Variants in MGAT4C observed in about 807,000 individuals in gnomAD.
The protein encoded by MGAT4C is alpha-1,3-mannosyl-glycoprotein 4-beta-N-acetylglucosaminyltransferase C.
A neutral mutation model predicts 40.1 loss-of-function variants in MGAT4C; 19 were observed. The ratio of observed to expected loss-of-function variants is 0.47; its 90% CI spans 0.33 to 0.70. The LOEUF (loss-of-function observed/expected upper bound fraction) is 0.70, where lower values mean the gene tolerates loss of function less well. MGAT4C is among the 30% of genes least tolerant of loss of function. The pLI is 0.02. For missense variants in MGAT4C, 491 were observed against 563.2 expected (o/e 0.87, Z 1.30); for synonymous variants, 181 against 187.1 (o/e 0.97, Z 0.27).
intron 2 of MGAT4C, among the ~76,000 whole-genome samples, chr12:86,526,853 A>G (rs575180580): frequency 1.5e-4 from 23 of 152,236 alleles, no homozygotes; most frequent in South Asian, 2.1e-4. Context: ...TCGAGTGTCC[A>G]TGGTGGTGCA....
At chr12:86,063,212 C>A (rs1413600137) in intron 1 of MGAT4C, among the ~76,000 whole-genome samples, 1 of 152,100 alleles carries the variant, frequency 6.6e-6, no homozygotes, top group Non-Finnish European at 1.5e-5. Context: ...GACAGTGGGG[C>A]CAGTATTCAA....
intron 2 of MGAT4C, among the ~76,000 whole-genome samples, chr12:86,487,157 G>C (rs193167297): frequency 6.6e-6 from 1 of 152,102 alleles, no homozygotes; most frequent in East Asian, 1.9e-4. Context: ...AATAGCAATG[G>C]AGTCATTTGG....
chr12:86,062,211 C>T (rs192866363), intron 1 of MGAT4C, among the ~76,000 whole-genome samples: 8 of 152,266 alleles, frequency 5.3e-5, no homozygotes, highest in South Asian at 2.1e-4. Flanking sequence ...CTGCAGCCAC[C>T]GCTGGTGATA....
At chr12:86,606,937 T>C (rs1962065123) in intron 2 of MGAT4C, among the ~76,000 whole-genome samples, 1 of 152,092 alleles carries the variant, frequency 6.6e-6, no homozygotes, top group South Asian at 2.1e-4. Flanking sequence ...CAATAATTCA[T>C]AAAATGATTT....
chr12:86,217,666 T>C (rs188078409), intron 1 of MGAT4C, among the ~76,000 whole-genome samples: 2 of 152,308 alleles, frequency 1.3e-5, no homozygotes, highest in African/African-American at 2.4e-5. Flanking sequence ...AATTTTAATT[T>C]ATAGATGTTG....
At chr12:86,584,670 G>A (rs192549340) in intron 2 of MGAT4C, among the ~76,000 whole-genome samples, 14 of 151,332 alleles carry the variant, frequency 9.3e-5, no homozygotes, top group East Asian at 3.9e-4. Context: ...CATTCAATGC[G>A]TATATATACT....
intron 3 of MGAT4C, among the ~76,000 whole-genome samples, chr12:86,404,349 A>T (rs1161832181): frequency 1.3e-5 from 2 of 152,182 alleles, no homozygotes; most frequent in African/African-American, 4.8e-5. Context: ...GACCTGGTAC[A>T]TGTTACTTGT....
At position 86,055,687 on chromosome 12, in the gene MGAT4C, C is replaced by A. The variant is rs543228395; in HGVS notation, c.-56-5964G>T. 7.9e-5 allele frequency among the ~76,000 whole-genome samples: 12 copies of A among 152,086 alleles called. No individual in the cohort carries two copies. The South Asian group carries it at 2.1e-3, about 26-fold the overall frequency. ...CATGTTAATATAATATTACCACAAA[C>A]ATATAAGGGTTTTTTTTTTCTGACA... On this transcript the variant is annotated intron_variant, in intron 1 of 4. Transcript: ENST00000611864.
chr12:86,328,890 G>A (rs931017991), intron 4 of MGAT4C, among the ~76,000 whole-genome samples: 1 of 151,298 alleles, frequency 6.6e-6, no homozygotes, highest in African/African-American at 2.4e-5. Context: ...CATATCACGA[G>A]GTCAGGAGTT....
chr12:86,405,652 A>C (rs1352442198), intron 3 of MGAT4C, among the ~76,000 whole-genome samples: 1 of 151,808 alleles, frequency 6.6e-6, no homozygotes, highest in African/African-American at 2.4e-5. Flanking sequence ...AAATGAGCTA[A>C]AACAATCTTG....
chr12:86,362,884 A>AAAC (rs1955512320), intron 3 of MGAT4C, among the ~76,000 whole-genome samples: 1 of 149,056 alleles, frequency 6.7e-6, no homozygotes, highest in African/African-American at 2.4e-5. Context: ...AAAAAAAAAA[A>AAAC]GCATATGAGG....
intron 2 of MGAT4C, among the ~76,000 whole-genome samples, chr12:86,606,732 C>T (rs1387167452): frequency 2.6e-5 from 4 of 151,988 alleles, no homozygotes; most frequent in African/African-American, 9.7e-5. Context: ...AAACAACTAC[C>T]AAGATTGCTG....
chr12:86,736,354 A>G (rs905662437), intron 1 of MGAT4C, among the ~76,000 whole-genome samples: 4 of 151,774 alleles, frequency 2.6e-5, no homozygotes, highest in Non-Finnish European at 4.4e-5. Flanking sequence ...AAGCCACTGA[A>G]ACCTTACCAC....
intron 1 of MGAT4C, among the ~76,000 whole-genome samples, chr12:86,746,208 A>G (rs1951149239): frequency 6.6e-6 from 1 of 151,638 alleles, no homozygotes; most frequent in Non-Finnish European, 1.5e-5. Context: ...CATTTCTTCT[A>G]ACCCATTCTC....
chr12:86,214,226 C>T (rs993949793), intron 1 of MGAT4C, among the ~76,000 whole-genome samples: 2 of 152,174 alleles, frequency 1.3e-5, no homozygotes, highest in Non-Finnish European at 2.9e-5. Context: ...GTATCCTCTG[C>T]ATAGACCCCT....
intron 2 of MGAT4C, among the ~76,000 whole-genome samples, chr12:86,619,990 G>T (rs770983470): frequency 6.6e-6 from 1 of 152,044 alleles, no homozygotes; most frequent in East Asian, 1.9e-4. Flanking sequence ...GCCAAGAAAC[G>T]TGAATAAAAT....
intron 1 of MGAT4C, among the ~76,000 whole-genome samples, chr12:86,243,008 C>G (rs1484852591): frequency 6.6e-6 from 1 of 152,140 alleles, no homozygotes; most frequent in Non-Finnish European, 1.5e-5. Context: ...TCTTGACTTT[C>G]CTCTTCTTCA....
At chr12:86,634,009 C>G (rs1278762107) in intron 2 of MGAT4C, among the ~76,000 whole-genome samples, 1 of 151,822 alleles carries the variant, frequency 6.6e-6, no homozygotes, top group Non-Finnish European at 1.5e-5. Flanking sequence ...AACGGGGAAA[C>G]AGAAACATGC....
chr12:86,746,389 T>A lies in MGAT4C; in HGVS notation c.-261-19148A>T, dbSNP rs1054726212. ...TTTGGTGATCTGTTATTTATGTTGC[T>A]CAGGAGACCACAAGTATAATTTAAG... On this transcript the variant is annotated intron_variant, in intron 1 of 7. Transcript: ENST00000548651. Among the ~76,000 whole-genome samples, 11 of 151,702 alleles carry A rather than the reference T, an allele frequency of 7.3e-5. 1 individual carries two copies. The highest frequency in any genetic ancestry group is 2.4e-4 in the African/African-American group (10 of 41,486).
Sources: gnomAD v4.1 joint callset for allele counts (sites outside exome capture counted in the v4.1 genomes callset) on GRCh38, gnomAD v4.1.1 for gene constraint, MANE v1.5 for transcripts, NCBI Gene and HGNC (gene_info 2026-07-23, HGNC 2026-07-21) for gene names.